The following CEP131 variants were observed in gnomAD, a reference collection of about 807,000 sequenced individuals.
CEP131 encodes centrosomal protein of 131 kDa.
A neutral mutation model predicts 136.8 loss-of-function variants in CEP131; 99 were observed. That is an observed-to-expected ratio of 0.72 (90% CI 0.62 to 0.86). CEP131 has a LOEUF of 0.86. Ranked by LOEUF, CEP131 falls within the 40% of genes least tolerant of loss-of-function variation. The probability of loss-of-function intolerance (pLI) is 0.00; values close to 1 mark genes in which losing one functional copy is unlikely to be tolerated. For synonymous variants in CEP131, 646 were observed against 612.7 expected (o/e 1.05, Z -0.80); for missense variants, 1,459 against 1,463.0 (o/e 1.00, Z 0.04).
chr17:81,206,975 A>G (rs2256881), intron 4 of CEP131, 104 bp from the exon 5 acceptor site: 1,463,602 of 1,540,518 alleles, frequency 0.95, 696,208 homozygotes, highest in Non-Finnish European at 0.96. Context: ...TCCCATACAG[A>G]CAGGTGGATG....
At chr17:81,191,852 G>C (rs1426288071) in intron 21 of CEP131, among the ~76,000 whole-genome samples, 1 of 152,200 alleles carries the variant, frequency 6.6e-6, no homozygotes, top group Non-Finnish European at 1.5e-5. Flanking sequence ...TGTGAAACCA[G>C]GTGACGGGCA....
intron 15 of CEP131, 99 bp from the exon 16 acceptor site, chr17:81,196,050 C>CTGTT: frequency 1.0e-6 from 1 of 967,066 alleles, no homozygotes; most frequent in Non-Finnish European, 1.6e-6. Context: ...AGGCTAACAG[C>CTGTT]AGCCCTCCCC....
chr17:81,191,488 C>T (rs1004113991), intron 21 of CEP131, 153 bp from the exon 22 acceptor site: 7 of 687,520 alleles, frequency 1.0e-5, no homozygotes, highest in East Asian at 2.6e-5. Context: ...GGGTGCGCTA[C>T]GTCCTGTTGT....
intron 7 of CEP131, 82 bp from the exon 8 acceptor site, chr17:81,200,528 C>A: frequency 1.9e-6 from 2 of 1,073,376 alleles, no homozygotes; most frequent in Non-Finnish European, 2.7e-6. Context: ...AAGGTCGAGC[C>A]GGGGAAGAGA....
rs934072875 is a variant in CEP131 at position 81,200,422 on chromosome 17, G to A, written c.813C>T (p.Ala271=). 16 of 1,551,510 alleles carry A rather than the reference G, an allele frequency of 1.0e-5. No homozygotes were observed. Among genetic ancestry groups the A allele is most frequent in the African/African-American group, 2.7e-5 (2 of 73,148 alleles). ...GGTACCAGCGCTGGATGGTGACAGT[G>A]GCCTGGTTCACCTGGTGGATAAACC... ...AERFIHQVNQ[A]TVTIQRWYRH... Residue 271 remains alanine, a synonymous_variant, in exon 8 of 26, where the codon GCC becomes GCT. Transcript: ENST00000450824.
At chr17:81,201,800 G>A (rs1434588257) in intron 7 of CEP131, among the ~76,000 whole-genome samples, 1 of 152,110 alleles carries the variant, frequency 6.6e-6, no homozygotes, top group African/African-American at 2.4e-5. Context: ...GGGTCTGCTC[G>A]GTCTCAATAT....
At chr17:81,210,445 C>A (rs1449976398) in intron 2 of CEP131, among the ~76,000 whole-genome samples, 1 of 152,092 alleles carries the variant, frequency 6.6e-6, no homozygotes, top group African/African-American at 2.4e-5. Flanking sequence ...TGGCGGGTGC[C>A]TGTAGTCCCA....
chr17:81,206,994 T>C (rs1449014779), intron 4 of CEP131, 123 bp from the exon 5 acceptor site: 1 of 1,520,916 alleles, frequency 6.6e-7, no homozygotes, highest in Non-Finnish European at 8.8e-7. Flanking sequence ...TGTCCTGGGG[T>C]CTGCCATGTC....
chr17:81,200,264 A>G (rs910036556), intron 8 of CEP131, 65 bp downstream of exon 8: 46 of 1,301,878 alleles, frequency 3.5e-5, no homozygotes, highest in South Asian at 4.0e-5. Flanking sequence ...CAGAAACTCA[A>G]ACCCCTGGGA....
rs1305834925 is a variant in CEP131 at position 81,208,090 on chromosome 17, C to A, written c.272+838G>T. Among the ~76,000 whole-genome samples, 1 of 146,486 alleles carries A rather than the reference C, an allele frequency of 6.8e-6. No homozygotes were observed. Among genetic ancestry groups the A allele is most frequent in the Non-Finnish European group, 1.5e-5 (1 of 66,368 alleles). On this transcript the variant is annotated intron_variant, in intron 3 of 25. Coordinates refer to ENST00000450824, the MANE Select transcript of CEP131 (RefSeq NM_014984.4). This position sits in a 1 kb window ranked among gnomAD's most constrained non-coding sequence, Gnocchi z 5.6. ...CCACACACCCACACACCACACCACA[C>A]ACACACACTTATGCCACACACCCAC...
Position 81,202,979 on chromosome 17 carries a change from T to A in CEP131, c.629+515A>T, listed in dbSNP as rs74006014. 1.9e-3 allele frequency among the ~76,000 whole-genome samples: 98 copies of A among 50,586 alleles called. 1 individual carries two copies. The highest frequency in any genetic ancestry group is 2.9e-3 in the Admixed American group (20 of 6,894). The allele number at this position is 50,586 out of a possible 152,430, so 33.2% of individuals were successfully genotyped here. On this transcript the variant is annotated intron_variant, in intron 6 of 25. Coordinates refer to ENST00000450824, the MANE Select transcript of CEP131 (RefSeq NM_014984.4). ...AACTCCATTTCAAAAAAAAAAAAAA[T>A]TCCATTGAGAAAGTTCCCAAAAGTC...
intron 5 of CEP131, among the ~76,000 whole-genome samples, chr17:81,205,955 C>T (rs1474166140): frequency 6.6e-6 from 1 of 152,088 alleles, no homozygotes; most frequent in Non-Finnish European, 1.5e-5. Context: ...CCTATAATCC[C>T]AGCACTTTGG....
Position 81,219,783 on chromosome 17 carries a change from C to T in CEP131, c.177+97G>A, listed in dbSNP as rs1396964641. ...ATCCAGCATGTCCAGATGTGAGGCACTTGTTCACCTGTGGAGCTGGACCCA... is the reference window on the plus strand; with the variant it reads ...ATCCAGCATGTCCAGATGTGAGGCATTTGTTCACCTGTGGAGCTGGACCCA... On this transcript the variant is annotated intron_variant, in intron 2 of 25. Transcript: ENST00000450824. This position sits in a 1 kb window ranked among gnomAD's most constrained non-coding sequence, Gnocchi z 4.0. The T allele has an allele frequency of 2.3e-6, 3 of 1,310,842 alleles. No individual in the cohort carries two copies. The highest frequency in any genetic ancestry group is 3.1e-5 in the African/African-American group (2 of 65,310). 81.2% of individuals were successfully genotyped at this position (1,310,842 alleles called of 1,614,324 possible). A position where few individuals can be genotyped will look rare whatever the true frequency, so the allele number is the denominator to read the frequency against.
chr17:81,201,878 G>A (rs2061898328), intron 7 of CEP131, among the ~76,000 whole-genome samples: 1 of 152,144 alleles, frequency 6.6e-6, no homozygotes, highest in Non-Finnish European at 1.5e-5. Flanking sequence ...GAGGCGGGCG[G>A]ATCACGAGGT....
chr17:81,203,867 C>T lies in CEP131; in HGVS notation c.516-260G>A, dbSNP rs903257771. 20 of 455,104 alleles carry T rather than the reference C, an allele frequency of 4.4e-5. No homozygotes were observed. Among genetic ancestry groups the T allele is most frequent in the Non-Finnish European group, 3.2e-5 (8 of 251,576 alleles). 28.2% of individuals were successfully genotyped at this position (455,104 alleles called of 1,614,324 possible). The stretch of plus-strand genomic sequence containing the variant: ...AATCGAGGCATGAACGCTGGACGTG[C>T]CCAAGACGGGGGGAGCAGCTCAGGC... On this transcript the variant is annotated intron_variant, in intron 5 of 25. Transcript: ENST00000450824. The surrounding 1 kb of genome is among the most constrained non-coding windows in gnomAD (Gnocchi z 4.6).
chr17:81,192,721 G>A lies in CEP131; in HGVS notation c.2429+15C>T, dbSNP rs1366576873. The A allele has an allele frequency of 2.6e-6, 4 of 1,536,802 alleles. No homozygotes were observed. Among genetic ancestry groups the A allele is most frequent in the Admixed American group, 1.7e-5 (1 of 59,076 alleles). ...AGGGGTCCCTGGGAGAGGGCGTGGT[G>A]CCCCCGGGCGGCACCTGGCTGCCTG... On this transcript the variant is annotated intron_variant, in intron 19 of 25. Coordinates refer to ENST00000450824, the MANE Select transcript of CEP131 (RefSeq NM_014984.4).
chr17:81,217,755 T>C (rs996114210), intron 2 of CEP131, among the ~76,000 whole-genome samples: 1 of 152,022 alleles, frequency 6.6e-6, no homozygotes, highest in African/African-American at 2.4e-5. Context: ...CACTCAACAC[T>C]GCGGGAGCGG....
At chr17:81,210,749 GA>G (rs927514916) in intron 2 of CEP131, among the ~76,000 whole-genome samples, 4 of 147,106 alleles carry the variant, frequency 2.7e-5, no homozygotes, top group Non-Finnish European at 6.0e-5. Context: ...AGTTTCCCAG[GA>G]AAAGAGACCT....
chr17:81,195,708 C>T (rs2061739563), intron 16 of CEP131, 127 bp downstream of exon 16: 1 of 803,048 alleles, frequency 1.2e-6, no homozygotes, highest in African/African-American at 1.7e-5. Flanking sequence ...CCACCCACCG[C>T]TGTGGCCCTG....
Sources: gnomAD v4.1 joint callset for allele counts (sites outside exome capture counted in the v4.1 genomes callset) on GRCh38, gnomAD v4.1.1 for gene constraint, Gnocchi (gnomAD v3.1) non-coding constraint, MANE v1.5 for transcripts, NCBI Gene and HGNC (gene_info 2026-07-23, HGNC 2026-07-21) for gene names.